Variants in RUSC2 observed in about 807,000 individuals in gnomAD.
The protein encoded by RUSC2 is RUN and SH3 domain containing 2.
RUSC2 carries 34 observed loss-of-function variants against 122.2 expected under a neutral mutation model. The ratio of observed to expected loss-of-function variants is 0.28; its 90% confidence interval spans 0.21 to 0.37. The LOEUF is 0.37. Ranked by LOEUF, RUSC2 falls within the 10% of genes least tolerant of loss-of-function variation. The pLI, the probability that RUSC2 is intolerant of heterozygous loss-of-function variation, is 1.00. For missense variants in RUSC2, 1,747 were observed against 1,952.4 expected (o/e 0.89, Z 1.98); for synonymous variants, 784 against 790.0 (o/e 0.99, Z 0.13).
At chr9:35,492,036 G>A (rs929609315) in intron 1 of RUSC2, among the ~76,000 whole-genome samples, 6 of 152,068 alleles carry the variant, frequency 3.9e-5, no homozygotes, top group Non-Finnish European at 7.4e-5. Context: ...GATGGATTAA[G>A]CAATACAATT....
rs1272973899 is a variant in RUSC2 at position 35,555,512 on chromosome 9, T to C, written c.2467T>C (p.Ser823Pro). The C allele has an allele frequency of 1.2e-6, 2 of 1,614,040 alleles. No homozygotes were observed. The highest frequency in any genetic ancestry group is 2.2e-5 in the East Asian group (1 of 44,894). ...GCCCCCATGGAGCCACTCCTGTCCT[T>C]CTGCTGTCCGGCCTGCCACCTCCCA... is the stretch of plus-strand genomic sequence containing the variant. Reference protein sequence around the residue: ...SLPPWSHSCPSAVRPATSQQP... With the variant: ...SLPPWSHSCPPAVRPATSQQP... Residue 823 changes from serine (S) to proline (P), a missense_variant, in exon 3 of 12, where the codon TCT (serine) becomes CCT (proline). Physicochemically the swap from Ser to Pro is moderately conservative, Grantham distance 74. Transcript: ENST00000361226. The surrounding 1 kb of genome is among the most constrained non-coding windows in gnomAD (Gnocchi z 4.6).
intron 1 of RUSC2, among the ~76,000 whole-genome samples, chr9:35,495,937 G>GA (rs1415381765): frequency 6.6e-6 from 1 of 152,066 alleles, no homozygotes; most frequent in Non-Finnish European, 1.5e-5. Flanking sequence ...ACTGTAAATG[G>GA]AATTGTTTTA....
At position 35,548,199 on chromosome 9, in the gene RUSC2, C is replaced by T; in HGVS notation, c.1678C>T (p.Pro560Ser). Residue 560 changes from proline (P) to serine (S), a missense_variant, in exon 2 of 12, where the codon CCC (proline) becomes TCC (serine). Pro to Ser is a moderately conservative substitution (Grantham distance 74). Transcript: ENST00000361226. This position sits in a 1 kb window ranked among gnomAD's most constrained non-coding sequence, Gnocchi z 4.5. ...GAAGAAAACTGGAGGCTCTGGCTCG[C>T]CCCCACTTCGTGTGAGTGTTGGGGA... is the stretch of plus-strand genomic sequence containing the variant. ...GRKKTGGSGSPPLRVSVGDSS... is the reference protein window; with the variant it reads ...GRKKTGGSGSSPLRVSVGDSS... 1.9e-6 allele frequency: 3 copies of T among 1,613,156 alleles called. No individual in the cohort carries two copies. The highest frequency in any genetic ancestry group is 1.6e-4 in the Middle Eastern group (1 of 6,062).
chr9:35,490,878 G>A (rs1462463700), intron 1 of RUSC2, among the ~76,000 whole-genome samples: 1 of 152,192 alleles, frequency 6.6e-6, no homozygotes, highest in Non-Finnish European at 1.5e-5. Context: ...ACTGTCCTGG[G>A]GGCAAGGACG....
chr9:35,512,922 T>TA (rs533876446), intron 1 of RUSC2, among the ~76,000 whole-genome samples: 179 of 152,028 alleles, frequency 1.2e-3, no homozygotes, highest in African/African-American at 3.9e-3. Context: ...TTTTGCAGGT[T>TA]AAAAAAAATG....
rs1479978918 is a variant in RUSC2 at position 35,560,096 on chromosome 9, C to T, written c.3456C>T (p.Leu1152=). 1 of 1,613,728 alleles carries T rather than the reference C, an allele frequency of 6.2e-7. No homozygotes were observed. Among genetic ancestry groups the T allele is most frequent in the East Asian group, 2.2e-5 (1 of 44,884 alleles). Residue 1152 remains leucine, a synonymous_variant, in exon 10 of 12, where the codon CTC becomes CTT. Transcript: ENST00000361226. ...CAGCTCATACCGTGTGTCCCGGCCT[C>T]TTTGAAGAGCTGCTGCTGCTGCTAC... ...LSAAHTVCPG[L]FEELLLLLQP... is the part of the protein sequence containing the mutation.
intron 1 of RUSC2, among the ~76,000 whole-genome samples, chr9:35,537,462 T>G (rs879840030): frequency 6.6e-6 from 1 of 152,122 alleles, no homozygotes. Context: ...GCAGCCTCCC[T>G]CCTTCCTTCC....
intron 1 of RUSC2, among the ~76,000 whole-genome samples, chr9:35,503,131 G>A (rs549421979): frequency 1.3e-5 from 2 of 152,156 alleles, no homozygotes; most frequent in South Asian, 2.1e-4. Flanking sequence ...CAAAGTGCAG[G>A]GATTACAGGC....
chr9:35,533,373 C>G (rs1821461590), intron 1 of RUSC2, among the ~76,000 whole-genome samples: 3 of 152,186 alleles, frequency 2.0e-5, no homozygotes, highest in South Asian at 4.1e-4. Flanking sequence ...CACCCATACC[C>G]CCAGTTATGG....
intron 1 of RUSC2, among the ~76,000 whole-genome samples, chr9:35,545,171 A>G (rs1381008534): frequency 6.6e-6 from 1 of 152,232 alleles, no homozygotes; most frequent in African/African-American, 2.4e-5. Flanking sequence ...ATGACGAGCT[A>G]TGACCCTATG....
At chr9:35,490,594 A>G (rs1378026717) in intron 1 of RUSC2, among the ~76,000 whole-genome samples, 1 of 152,084 alleles carries the variant, frequency 6.6e-6, no homozygotes, top group Non-Finnish European at 1.5e-5. Flanking sequence ...CCCGGCACCC[A>G]GGCCGGCGAC....
intron 1 of RUSC2, among the ~76,000 whole-genome samples, chr9:35,495,818 C>T (rs10814246): frequency 0.17 from 26,123 of 151,978 alleles, 2,408 homozygotes; most frequent in Admixed American, 0.26. Context: ...GATGTTTTTT[C>T]ATTTATTTAT....
chr9:35,547,656 C>G lies in RUSC2; in HGVS notation c.1135C>G (p.Leu379Val). Residue 379 changes from leucine to valine, a missense_variant, in exon 2 of 12, where the codon CTC (leucine) becomes GTC (valine). By Grantham distance (32) the Leu-to-Val change is conservative (BLOSUM62 1). Transcript: ENST00000361226. The surrounding 1 kb of genome is among the most constrained non-coding windows in gnomAD (Gnocchi z 4.6). ...TGAGCCGTGCCCAGCAGTGGCTGAC[C>G]TCACAGCCTGCTTCCAAAGCCAGGC... ...HCEPCPAVAD[L>V]TACFQSQARL... is the part of the protein sequence containing the mutation. 1 of 1,614,218 alleles carries G rather than the reference C, an allele frequency of 6.2e-7. No homozygotes were observed. Among genetic ancestry groups the G allele is most frequent in the Non-Finnish European group, 8.5e-7 (1 of 1,180,036 alleles).
chr9:35,537,616 A>T (rs1821556239), intron 1 of RUSC2, among the ~76,000 whole-genome samples: 1 of 152,232 alleles, frequency 6.6e-6, no homozygotes, highest in African/African-American at 2.4e-5. Context: ...CAGTGGACAC[A>T]TGGGTGTCAC....
At position 35,561,744 on chromosome 9, in the gene RUSC2, T is replaced by C. The variant is rs1822184103; in HGVS notation, c.*362T>C. On this transcript the variant is annotated 3_prime_UTR_variant, in exon 12 of 12. Transcript: ENST00000361226. ...AGGTGGAGATGAGGATGGGTAACAG[T>C]ATTGGGGCCAGATCCCTAAGCCCCC... 4 of 543,440 alleles carry C rather than the reference T, an allele frequency of 7.4e-6. No individual in the cohort carries two copies. The Admixed American group carries it at 1.2e-4, about 17-fold the overall frequency. The allele number at this position is 543,440 out of a possible 1,614,324, so 33.7% of individuals were successfully genotyped here.
intron 1 of RUSC2, among the ~76,000 whole-genome samples, chr9:35,491,787 TA>T (rs1820573252): frequency 6.6e-6 from 1 of 152,098 alleles, no homozygotes; most frequent in Non-Finnish European, 1.5e-5. Flanking sequence ...CCATCTCTAC[TA>T]AAAATACAAA....
At chr9:35,545,118 CCTTGAGCATATGTGA>C (rs1250446952) in intron 1 of RUSC2, among the ~76,000 whole-genome samples, 3 of 152,094 alleles carry the variant, frequency 2.0e-5, no homozygotes, top group Non-Finnish European at 2.9e-5. Flanking sequence ...TTGTTCATGT[CCTTGAGCATATGTGA>C]CTTGCCTCAG....
chr9:35,548,092 T>G lies in RUSC2; in HGVS notation c.1571T>G (p.Leu524Trp). 6.2e-7 allele frequency: 1 copy of G among 1,613,228 alleles called. No homozygotes were observed. Among genetic ancestry groups the G allele is most frequent in the Non-Finnish European group, 8.5e-7 (1 of 1,180,026 alleles). Reference sequence around the variant, plus strand: ...CGTATGTTGAGTTGCCCAGTGCGCTTGAGTGAGGGCCCTGCAGCCATGGCC... The same window carrying G: ...CGTATGTTGAGTTGCCCAGTGCGCTGGAGTGAGGGCCCTGCAGCCATGGCC... ...LERMLSCPVR[L>W]SEGPAAMAGP... The change falls in exon 2 of 12, where the codon TTG (leucine) becomes TGG (tryptophan). Residue 524 changes from leucine to tryptophan, a missense_variant. Coordinates refer to ENST00000361226, the MANE Select transcript of RUSC2 (RefSeq NM_014806.5). The surrounding 1 kb of genome is among the most constrained non-coding windows in gnomAD (Gnocchi z 4.5).
At position 35,555,453 on chromosome 9, in the gene RUSC2, C is replaced by T. The variant is rs748506998; in HGVS notation, c.2408C>T (p.Pro803Leu). 6.2e-7 allele frequency: 1 copy of T among 1,614,258 alleles called. No homozygotes were observed. Among genetic ancestry groups the T allele is most frequent in the South Asian group, 1.1e-5 (1 of 91,090 alleles). Residue 803 changes from proline (P) to leucine (L), a missense_variant, in exon 3 of 12, where the codon CCT becomes CTT. Transcript: ENST00000361226. This position sits in a 1 kb window ranked among gnomAD's most constrained non-coding sequence, Gnocchi z 4.6. ...TDSSASTSCS[P>L]PPEQPTATES... ...TCTTCTGCCTCCACTTCGTGCTCCC[C>T]TCCCCCAGAGCAGCCCACAGCCACA...
Sources: gnomAD v4.1 joint callset for allele counts (sites outside exome capture counted in the v4.1 genomes callset) on GRCh38, gnomAD v4.1.1 for gene constraint, Gnocchi (gnomAD v3.1) non-coding constraint, MANE v1.5 for transcripts, NCBI Gene and HGNC (gene_info 2026-07-23, HGNC 2026-07-21) for gene names.